Variants in NFXL1 observed in about 807,000 individuals in gnomAD.
The protein encoded by NFXL1 is NF-X1-type zinc finger protein NFXL1.
A neutral mutation model predicts 123.3 loss-of-function variants in NFXL1; 66 were observed. The ratio of observed to expected loss-of-function variants is 0.54; its 90% CI spans 0.44 to 0.66. NFXL1 has a LOEUF of 0.66. Among genes scored for constraint, NFXL1 ranks in the 30% least tolerant of loss-of-function variants. The pLI, the probability that NFXL1 is intolerant of heterozygous loss-of-function variation, is 0.00. For missense variants in NFXL1, 944 were observed against 1,125.6 expected (o/e 0.84, Z 2.31); for synonymous variants, 346 against 360.8 (o/e 0.96, Z 0.46).
In NFXL1 at chr4:47,900,431, A is replaced by T. The variant is rs567552992; in HGVS notation, c.648-883T>A. On this transcript the variant is annotated intron_variant, in intron 5 of 22. Coordinates refer to ENST00000507489, the MANE Select transcript of NFXL1 (RefSeq NM_001278624.2). ...TTGCCATGTTGGCCAGGCTGGTCTT[A>T]ACTCCTGACCTCAAGTGATTCACCA... Among the ~76,000 whole-genome samples the T allele has an allele frequency of 3.9e-5, 6 of 152,276 alleles. No homozygotes were observed. The South Asian group carries it at 1.2e-3, about 32-fold the overall frequency.
At chr4:47,865,436 A>G (rs1405073120) in intron 18 of NFXL1, among the ~76,000 whole-genome samples, 4 of 151,456 alleles carry the variant, frequency 2.6e-5, no homozygotes, top group Non-Finnish European at 5.9e-5. Context: ...CCACGACCAC[A>G]GCACAACTAG....
chr4:47,876,359 A>G (rs1735752170), intron 17 of NFXL1, among the ~76,000 whole-genome samples: 1 of 152,146 alleles, frequency 6.6e-6, no homozygotes, highest in South Asian at 2.1e-4. Context: ...TGACTGATAA[A>G]GATCACATGT....
rs543405992 is a variant in NFXL1 at position 47,899,021 on chromosome 4, T to C, written c.926A>G (p.Gln309Arg). Residue 309 changes from glutamine to arginine, a missense_variant, in exon 7 of 23, where the codon CAG (glutamine) becomes CGG (arginine). Gln to Arg is a conservative substitution (Grantham distance 43, BLOSUM62 1). Around this residue, in one of 4 missense-constraint regions of NFXL1, gnomAD observed 296 missense variants for 395.1 expected, o/e 0.75. Coordinates refer to ENST00000507489, the MANE Select transcript of NFXL1 (RefSeq NM_001278624.2). ...RRCSAKEWSC[Q>R]LPCGQKLLCG... Reference sequence around the variant, plus strand: ...AAGCAACTTCTGTCCACATGGCAGCTGACAAGACCATTCCTTGGCACTGCA... The same window carrying C: ...AAGCAACTTCTGTCCACATGGCAGCCGACAAGACCATTCCTTGGCACTGCA... 1.9e-6 allele frequency: 3 copies of C among 1,613,858 alleles called. No homozygotes were observed. The highest frequency in any genetic ancestry group is 2.2e-5 in the South Asian group (2 of 91,068).
intron 17 of NFXL1, chr4:47,877,002 C>CA: frequency 8.6e-7 from 1 of 1,159,332 alleles, no homozygotes; most frequent in Non-Finnish European, 1.1e-6. Context: ...CAAAAAGAAC[C>CA]AAAGTTCACC....
chr4:47,884,266 G>C, intron 15 of NFXL1, 80 bp downstream of exon 15: 1 of 756,700 alleles, frequency 1.3e-6, no homozygotes, highest in East Asian at 2.5e-5. Context: ...TAAGAAAAAA[G>C]GGAGATTGAC....
intron 17 of NFXL1, among the ~76,000 whole-genome samples, chr4:47,877,577 T>A (rs928466743): frequency 6.6e-6 from 1 of 152,088 alleles, no homozygotes; most frequent in African/African-American, 2.4e-5. Flanking sequence ...TATTTGTTAG[T>A]TTGATTTTAT....
intron 5 of NFXL1, among the ~76,000 whole-genome samples, chr4:47,901,442 CAG>C (rs1350587336): frequency 6.6e-6 from 1 of 151,972 alleles, no homozygotes; most frequent in Non-Finnish European, 1.5e-5. Context: ...CTACTTAAAA[CAG>C]AAGTGAGAAG....
intron 11 of NFXL1, among the ~76,000 whole-genome samples, chr4:47,891,912 G>A (rs1323162783): frequency 6.6e-6 from 1 of 151,724 alleles, no homozygotes; most frequent in Non-Finnish European, 1.5e-5. Flanking sequence ...ACTCCAGCCT[G>A]GACGATAGAG....
At chr4:47,909,725 C>G (rs539037739) in intron 3 of NFXL1, among the ~76,000 whole-genome samples, 46 of 151,308 alleles carry the variant, frequency 3.0e-4, no homozygotes, top group African/African-American at 1.1e-3. Flanking sequence ...GTGGCGCAAT[C>G]TCAGCTCACG....
intron 22 of NFXL1, 72 bp downstream of exon 22, chr4:47,851,023 A>C: frequency 3.0e-4 from 332 of 1,122,832 alleles, no homozygotes; most frequent in Non-Finnish European, 4.2e-4. Flanking sequence ...TGACCTTGGA[A>C]TATACCCCGT....
chr4:47,891,508 T>C (rs1736768496), intron 11 of NFXL1, among the ~76,000 whole-genome samples: 2 of 152,186 alleles, frequency 1.3e-5, no homozygotes, highest in African/African-American at 4.8e-5. Flanking sequence ...ACTTCCCTGG[T>C]TTCACAGACA....
At position 47,852,318 on chromosome 4, in the gene NFXL1, G is replaced by A. The variant is rs551125281; in HGVS notation, c.2422-376C>T. 1.4e-4 allele frequency: 26 copies of A among 180,334 alleles called. 2 individuals are homozygous for A. In the South Asian group the frequency reaches 1.5e-3, roughly 10 times the overall value. 11.2% of individuals were successfully genotyped at this position (180,334 alleles called of 1,614,324 possible). A position where few individuals can be genotyped will look rare whatever the true frequency, so the allele number is the denominator to read the frequency against. On this transcript the variant is annotated intron_variant, in intron 20 of 22. Coordinates refer to ENST00000507489, the MANE Select transcript of NFXL1 (RefSeq NM_001278624.2). Reference sequence around the variant, plus strand: ...TCCAACAGAGCTTCCTGGTATGTGCGTGGGATGGAATGTTGTAAATCTGCA... The same window carrying A: ...TCCAACAGAGCTTCCTGGTATGTGCATGGGATGGAATGTTGTAAATCTGCA...
intron 4 of NFXL1, among the ~76,000 whole-genome samples, chr4:47,904,897 T>A (rs1043899694): frequency 9.4e-6 from 1 of 105,870 alleles, no homozygotes; most frequent in Admixed American, 1.1e-4. Context: ...ATAGGGACCG[T>A]ATCTTTTTCC....
chr4:47,896,384 AT>A, intron 10 of NFXL1, 138 bp downstream of exon 10: 3 of 587,360 alleles, frequency 5.1e-6, no homozygotes, highest in Middle Eastern at 3.3e-4. Context: ...TCTTATCCTA[AT>A]ATTAGGTCAC....
At chr4:47,851,669 G>GA in intron 21 of NFXL1, among the ~76,000 whole-genome samples, 187 bp downstream of exon 21, 1 of 152,078 alleles carries the variant, frequency 6.6e-6, no homozygotes, top group South Asian at 2.1e-4. Context: ...CATAGAAGAT[G>GA]AAAAGCCTTC....
chr4:47,896,045 C>T (rs149557401), intron 10 of NFXL1, among the ~76,000 whole-genome samples: 127 of 152,256 alleles, frequency 8.3e-4, no homozygotes, highest in Non-Finnish European at 1.7e-3. Flanking sequence ...GTCAGTAGAG[C>T]AGTCAGAACA....
At chr4:47,863,576 G>A (rs1734885558) in intron 18 of NFXL1, among the ~76,000 whole-genome samples, 1 of 152,112 alleles carries the variant, frequency 6.6e-6, no homozygotes, top group African/African-American at 2.4e-5. Context: ...TGGCTACTCA[G>A]GAGACTGAGG....
chr4:47,906,852 T>A (rs1737586751), intron 3 of NFXL1, among the ~76,000 whole-genome samples: 1 of 152,212 alleles, frequency 6.6e-6, no homozygotes, highest in Non-Finnish European at 1.5e-5. Flanking sequence ...GCGGATAGCA[T>A]GCTATTTGAA....
intron 2 of NFXL1, 130 bp downstream of exon 2, chr4:47,913,839 T>G (rs1013799717): frequency 1.7e-5 from 10 of 577,890 alleles, no homozygotes; most frequent in Non-Finnish European, 2.6e-5. Context: ...GCTGGAGAAG[T>G]GGGCCCGATA....
Sources: gnomAD v4.1 joint callset for allele counts (sites outside exome capture counted in the v4.1 genomes callset) on GRCh38, gnomAD v4.1.1 for gene constraint, gnomAD v4.1.1 regional missense constraint, MANE v1.5 for transcripts, NCBI Gene and HGNC (gene_info 2026-07-23, HGNC 2026-07-21) for gene names.